KHDRBS2: variants seen among roughly 807,000 people sequenced by gnomAD.
The protein encoded by KHDRBS2 is KH domain-containing, RNA-binding, signal transduction-associated protein 2.
A neutral mutation model predicts 44.3 loss-of-function variants in KHDRBS2; 26 were observed. The observed-to-expected ratio is 0.59, with a 90% CI of 0.43 to 0.81. KHDRBS2 has a LOEUF of 0.81. Ranked by LOEUF, KHDRBS2 falls within the 40% of genes least tolerant of loss-of-function variation. KHDRBS2 has a pLI of 0.00. For synonymous variants in KHDRBS2, 194 were observed against 151.1 expected (o/e 1.28, Z -2.08); for missense variants, 476 against 433.1 (o/e 1.10, Z -0.88).
At chr6:61,924,848 T>C (rs1232428698) in intron 4 of KHDRBS2, among the ~76,000 whole-genome samples, 1 of 152,138 alleles carries the variant, frequency 6.6e-6, no homozygotes. Flanking sequence ...TTGCTAGTAG[T>C]TGTACAAAAT....
intron 2 of KHDRBS2, among the ~76,000 whole-genome samples, chr6:62,140,491 T>A (rs1584922943): frequency 2.0e-5 from 3 of 152,320 alleles, no homozygotes; most frequent in Admixed American, 2.0e-4. Flanking sequence ...GTTATCAAAA[T>A]GAACCCAGTT....
chr6:62,117,090 G>A (rs189958188), intron 2 of KHDRBS2, among the ~76,000 whole-genome samples: 89 of 152,110 alleles, frequency 5.9e-4, no homozygotes, highest in African/African-American at 2.0e-3. Context: ...TCAATATACC[G>A]ATCTTCTTTT....
chr6:61,945,139 A>ATATATATATG (rs1813080240), intron 4 of KHDRBS2, among the ~76,000 whole-genome samples: 1 of 108,436 alleles, frequency 9.2e-6, no homozygotes, highest in Non-Finnish European at 1.9e-5. Context: ...ATATATATAT[A>ATATATATATG]TATATATATA....
chr6:61,788,447 C>T (rs1408362402), intron 6 of KHDRBS2, among the ~76,000 whole-genome samples: 1 of 151,352 alleles, frequency 6.6e-6, no homozygotes, highest in Non-Finnish European at 1.5e-5. Flanking sequence ...TTTATTTTAT[C>T]ATGCAAAATA....
chr6:61,708,111 A>G (rs898643687), intron 7 of KHDRBS2, among the ~76,000 whole-genome samples: 4 of 151,678 alleles, frequency 2.6e-5, no homozygotes, highest in Non-Finnish European at 5.9e-5. Flanking sequence ...TAATTAAAAC[A>G]TACAAGTTAA....
At chr6:62,022,115 G>A (rs1257229083) in intron 3 of KHDRBS2, among the ~76,000 whole-genome samples, 1 of 150,682 alleles carries the variant, frequency 6.6e-6, no homozygotes, top group African/African-American at 2.4e-5. Flanking sequence ...ATAATTGTTA[G>A]GATTTAACAT....
chr6:62,232,090 A>G (rs1563104378), intron 1 of KHDRBS2, among the ~76,000 whole-genome samples: 1 of 152,186 alleles, frequency 6.6e-6, no homozygotes, highest in Non-Finnish European at 1.5e-5. Context: ...AGTCATGAAA[A>G]AATAAGTTAT....
chr6:61,717,892 C>T (rs9344605), intron 7 of KHDRBS2, among the ~76,000 whole-genome samples: 62,868 of 151,752 alleles, frequency 0.41, 13,372 homozygotes, highest in Middle Eastern at 0.51. Flanking sequence ...ACATAACAGA[C>T]GTCTGAATTG....
At chr6:61,612,534 G>A in the KHDRBS2 span, among the ~76,000 whole-genome samples, 1 of 152,064 alleles carries the variant, frequency 6.6e-6, no homozygotes, top group Non-Finnish European at 1.5e-5. Context: ...GTTGCAGAAG[G>A]GCAAATAAGA....
chr6:61,725,606 G>T (rs1053628501), intron 7 of KHDRBS2, among the ~76,000 whole-genome samples: 10 of 152,000 alleles, frequency 6.6e-5, no homozygotes, highest in African/African-American at 2.4e-4. Flanking sequence ...AAATGATAAG[G>T]GGGATATCAC....
At chr6:62,260,747 G>C (rs1046632354) in intron 1 of KHDRBS2, among the ~76,000 whole-genome samples, 1 of 151,886 alleles carries the variant, frequency 6.6e-6, no homozygotes, top group African/African-American at 2.4e-5. Flanking sequence ...TCTCCCTGTA[G>C]CAAGTTTAAC....
At chr6:61,762,939 G>A (rs185915553) in intron 6 of KHDRBS2, among the ~76,000 whole-genome samples, 135 of 152,282 alleles carry the variant, frequency 8.9e-4, no homozygotes, top group South Asian at 3.7e-3. Context: ...CCAGCAGCAG[G>A]AATGAGGGGT....
intron 8 of KHDRBS2, among the ~76,000 whole-genome samples, chr6:61,694,008 T>A (rs1767641006): frequency 6.6e-6 from 1 of 152,204 alleles, no homozygotes; most frequent in Admixed American, 6.5e-5. Context: ...CCAGTGATCC[T>A]GCCAGATATC....
intron 4 of KHDRBS2, among the ~76,000 whole-genome samples, chr6:61,932,314 T>C (rs1214944819): frequency 3.3e-5 from 5 of 152,210 alleles, no homozygotes; most frequent in Non-Finnish European, 5.9e-5. Context: ...ACGTTCTATG[T>C]TTTTCAGGAA....
In KHDRBS2 at chr6:61,848,530, T is replaced by TAC. The variant is rs1293806854; in HGVS notation, c.810+46103_810+46104dup. Among the ~76,000 whole-genome samples, 292 of 43,600 alleles carry TAC rather than the reference T, an allele frequency of 6.7e-3. 40 individuals carry two copies. Among genetic ancestry groups the TAC allele is most frequent in the Non-Finnish European group, 9.0e-3 (202 of 22,332 alleles). The allele number at this position is 43,600 out of a possible 152,430, so 28.6% of individuals were successfully genotyped here. A position where few individuals can be genotyped will look rare whatever the true frequency, so the allele number is the denominator to read the frequency against. ...ATATATGTATATATGTATATATATA[T>TAC]ACATATATATGTATATATATACATA... On this transcript the variant is annotated intron_variant, in intron 6 of 8. Coordinates refer to ENST00000281156, the MANE Select transcript of KHDRBS2 (RefSeq NM_152688.4).
At chr6:61,900,745 T>G (rs191938444) in intron 5 of KHDRBS2, among the ~76,000 whole-genome samples, 3 of 152,322 alleles carry the variant, frequency 2.0e-5, no homozygotes, top group South Asian at 2.1e-4. Context: ...ATCTATCTAC[T>G]TCCTTATCTG....
chr6:62,192,319 TA>T (rs994383218), intron 1 of KHDRBS2, among the ~76,000 whole-genome samples: 1 of 152,038 alleles, frequency 6.6e-6, no homozygotes, highest in African/African-American at 2.4e-5. Context: ...TATGTGTGTG[TA>T]AAAAAATAAG....
chr6:61,959,676 C>A (rs1768201470), intron 4 of KHDRBS2, among the ~76,000 whole-genome samples: 1 of 152,040 alleles, frequency 6.6e-6, no homozygotes. Flanking sequence ...GTAGACTCTG[C>A]CAAGTACAAG....
At chr6:61,730,227 A>T (rs1774222905) in intron 7 of KHDRBS2, among the ~76,000 whole-genome samples, 1 of 152,142 alleles carries the variant, frequency 6.6e-6, no homozygotes, top group African/African-American at 2.4e-5. Flanking sequence ...TTATTGTAAT[A>T]TAGACATTGG....
Sources: allele counts gnomAD v4.1 joint callset (sites outside exome capture counted in the v4.1 genomes callset), GRCh38; gene constraint gnomAD v4.1.1; transcripts MANE v1.5; gene names NCBI Gene and HGNC (gene_info 2026-07-23, HGNC 2026-07-21).